The following SARNP variants were observed in gnomAD, a reference collection of about 807,000 sequenced individuals.
SARNP encodes SAP domain containing ribonucleoprotein, also known as SAP domain-containing ribonucleoprotein.
SARNP carries 5 observed loss-of-function variants against 38.1 expected under a neutral mutation model. The observed-to-expected ratio is 0.13, with a 90% confidence interval of 0.07 to 0.28. The LOEUF (loss-of-function observed/expected upper bound fraction) is 0.28, where lower values mean the gene tolerates loss of function less well. SARNP is among the 10% of genes least tolerant of loss of function. The pLI is 1.00. For missense variants in SARNP, 180 were observed against 243.9 expected, an observed-to-expected ratio of 0.74 and a Z score of 1.75; for synonymous variants, 84 against 80.6, an observed-to-expected ratio of 1.04 and a Z score of -0.23.
At chr12:55,801,522 AC>A (rs1879979297) in intron 2 of SARNP, among the ~76,000 whole-genome samples, 1 of 152,152 alleles carries the variant, frequency 6.6e-6, no homozygotes. Context: ...AAGAAAAACA[AC>A]CCAGAACCAA....
chr12:55,807,985 A>T (rs1433688367), intron 1 of SARNP, among the ~76,000 whole-genome samples: 1 of 152,132 alleles, frequency 6.6e-6, no homozygotes, highest in African/African-American at 2.4e-5. Context: ...AATTCTGAAA[A>T]GTTTAGAGGA....
At chr12:55,788,294 A>G (rs1000450390) in intron 9 of SARNP, among the ~76,000 whole-genome samples, 10 of 152,240 alleles carry the variant, frequency 6.6e-5, no homozygotes, top group African/African-American at 9.6e-5. Context: ...AAACTAAATA[A>G]TATCAGTTAG....
intron 10 of SARNP, 32 bp from the exon 11 acceptor site, chr12:55,757,585 G>C (rs1482800040): frequency 6.3e-7 from 1 of 1,586,918 alleles, no homozygotes; most frequent in Admixed American, 1.8e-5. Context: ...AAAAAAATTA[G>C]ACTGAAGACA....
intron 10 of SARNP, among the ~76,000 whole-genome samples, chr12:55,759,409 TTTTTC>T (rs897739164): frequency 2.0e-5 from 3 of 151,462 alleles, no homozygotes; most frequent in East Asian, 1.9e-4. Context: ...TGGCAAAGCC[TTTTTC>T]TTTTCTTTTT....
chr12:55,788,937 A>G (rs2136193965), intron 9 of SARNP, 138 bp downstream of exon 9: 1 of 655,736 alleles, frequency 1.5e-6, no homozygotes, highest in Non-Finnish European at 2.7e-6. Flanking sequence ...CAGTGAGAGG[A>G]GGTGACAGTC....
intron 7 of SARNP, among the ~76,000 whole-genome samples, chr12:55,791,109 A>G (rs958072430): frequency 1.3e-5 from 2 of 152,226 alleles, no homozygotes; most frequent in South Asian, 2.1e-4. Flanking sequence ...CACTATACGC[A>G]CTATACGAAT....
Position 55,757,281 on chromosome 12 carries a change from AT to A in SARNP, c.*230del, listed in dbSNP as rs199727303. ...AATAAAACACATTGTTCTCTTTTCT[AT>A]TTTTTTTTATTAACAAGCAACATAA... On this transcript the variant is annotated 3_prime_UTR_variant, in exon 11 of 11. Transcript: ENST00000336133. 461 of 378,054 alleles carry A rather than the reference AT, an allele frequency of 1.2e-3. No individual in the cohort carries two copies. Among genetic ancestry groups the A allele is most frequent in the Middle Eastern group, 2.6e-3 (4 of 1,564 alleles). The allele number at this position is 378,054 out of a possible 1,614,324, so 23.4% of individuals were successfully genotyped here. A position where few individuals can be genotyped will look rare whatever the true frequency, so the allele number is the denominator to read the frequency against.
At chr12:55,812,127 AC>A (rs1880345327) in intron 1 of SARNP, among the ~76,000 whole-genome samples, 1 of 152,064 alleles carries the variant, frequency 6.6e-6, no homozygotes, top group African/African-American at 2.4e-5. Flanking sequence ...CCCTACCATT[AC>A]CTTATTACCA....
At chr12:55,764,624 C>T (rs931602145) in intron 9 of SARNP, among the ~76,000 whole-genome samples, 5 of 150,824 alleles carry the variant, frequency 3.3e-5, no homozygotes, top group Admixed American at 6.6e-5. Context: ...ATCACAAGGT[C>T]AAGATATAGA....
intron 9 of SARNP, among the ~76,000 whole-genome samples, chr12:55,783,819 A>C (rs1381430652): frequency 6.6e-6 from 1 of 152,132 alleles, no homozygotes; most frequent in African/African-American, 2.4e-5. Flanking sequence ...TAGGCTGCGC[A>C]CAGTGGCTAA....
intron 9 of SARNP, among the ~76,000 whole-genome samples, chr12:55,770,094 G>A (rs1326923314): frequency 6.6e-6 from 1 of 152,176 alleles, no homozygotes; most frequent in African/African-American, 2.4e-5. Context: ...AAGATGAAGT[G>A]TAGTTAGTTA....
chr12:55,786,606 C>G (rs146851150), intron 9 of SARNP, among the ~76,000 whole-genome samples: 2,216 of 152,144 alleles, frequency 0.015, 47 homozygotes, highest in African/African-American at 0.051. Context: ...CCTGCCACCG[C>G]GCCTGGCTAA....
chr12:55,758,076 A>G (rs1878567180), intron 10 of SARNP, among the ~76,000 whole-genome samples: 1 of 152,152 alleles, frequency 6.6e-6, no homozygotes, highest in South Asian at 2.1e-4. Context: ...ATGCCAACAG[A>G]ACGAATAGGG....
intron 9 of SARNP, chr12:55,761,997 A>G: frequency 6.6e-6 from 1 of 152,428 alleles, no homozygotes; most frequent in Non-Finnish European, 1.5e-5. Flanking sequence ...CAGATAAGCA[A>G]GAGTTCAAAC....
At chr12:55,816,399 G>A (rs1044617310) in intron 1 of SARNP, among the ~76,000 whole-genome samples, 8 of 152,088 alleles carry the variant, frequency 5.3e-5, no homozygotes, top group Admixed American at 4.6e-4. Context: ...AGAGACCGCT[G>A]ATATAGTCTA....
chr12:55,812,534 TG>T (rs1880357268), intron 1 of SARNP, among the ~76,000 whole-genome samples: 1 of 152,192 alleles, frequency 6.6e-6, no homozygotes, highest in Admixed American at 6.5e-5. Context: ...AGCTCTTGAG[TG>T]AAAGACCCAC....
intron 1 of SARNP, among the ~76,000 whole-genome samples, chr12:55,810,810 C>CTG (rs1022255090): frequency 5.9e-5 from 9 of 151,872 alleles, no homozygotes; most frequent in African/African-American, 2.2e-4. Flanking sequence ...GGCGCGGTGG[C>CTG]TCACGCCTGT....
intron 1 of SARNP, 81 bp from the exon 2 acceptor site, chr12:55,803,809 GA>G: frequency 1.1e-6 from 1 of 884,392 alleles, no homozygotes; most frequent in Non-Finnish European, 1.8e-6. Context: ...ACAAGGAAAA[GA>G]AAAAAAGAAA....
chr12:55,804,490 T>A (rs543856423), intron 1 of SARNP, among the ~76,000 whole-genome samples: 91 of 151,750 alleles, frequency 6.0e-4, no homozygotes, highest in African/African-American at 2.1e-3. Flanking sequence ...GAATAAGGTA[T>A]ACATATAACT....
Sources: gnomAD v4.1 joint callset for allele counts (sites outside exome capture counted in the v4.1 genomes callset) on GRCh38, gnomAD v4.1.1 for gene constraint, MANE v1.5 for transcripts, NCBI Gene and HGNC (gene_info 2026-07-23, HGNC 2026-07-21) for gene names.